MAD1L1: variants seen among roughly 807,000 people sequenced by gnomAD.
MAD1L1 encodes the protein mitotic spindle assembly checkpoint protein MAD1.
MAD1L1 carries 95 observed loss-of-function variants against 96.9 expected under a neutral mutation model. That is an observed-to-expected ratio of 0.98 (90% CI 0.83 to 1.16). The LOEUF (loss-of-function observed/expected upper bound fraction) is 1.16, where lower values mean the gene tolerates loss of function less well. MAD1L1 is among the 50% of genes most tolerant of loss of function. MAD1L1 has a pLI of 0.00. For missense variants in MAD1L1, 1,007 were observed against 954.4 expected (o/e 1.06, Z -0.73); for synonymous variants, 473 against 396.6 (o/e 1.19, Z -2.29).
intron 18 of MAD1L1, 125 bp downstream of exon 18, chr7:1,898,075 C>G: frequency 3.8e-6 from 4 of 1,041,866 alleles, no homozygotes; most frequent in Non-Finnish European, 5.7e-6. Context: ...CTCCTTCCCG[C>G]CCAGCCCTCC....
chr7:2,132,069 T>C (rs4721429), intron 11 of MAD1L1, among the ~76,000 whole-genome samples: 46,245 of 152,188 alleles, frequency 0.3, 7,897 homozygotes, highest in East Asian at 0.51. Context: ...AGGAGGAAGC[T>C]GGCCCCAACT....
chr7:1,825,346 C>T (rs1351775263), intron 18 of MAD1L1, among the ~76,000 whole-genome samples: 2 of 152,216 alleles, frequency 1.3e-5, no homozygotes, highest in Non-Finnish European at 2.9e-5. Context: ...CCCCAGATGT[C>T]CTGGGCCTGG....
chr7:2,210,097 G>T (rs996938432), intron 10 of MAD1L1: 1 of 152,208 alleles, frequency 6.6e-6, no homozygotes, highest in African/African-American at 2.4e-5. Context: ...TTTGGTTTTT[G>T]TTTTTGTTTT....
intron 10 of MAD1L1, among the ~76,000 whole-genome samples, chr7:2,166,479 TA>T (rs11298868): frequency 0.23 from 34,477 of 151,944 alleles, 4,132 homozygotes; most frequent in Middle Eastern, 0.35. Flanking sequence ...CTGTTCAAGC[TA>T]AAAAAAAGCC....
chr7:2,123,726 G>A (rs1358198676), intron 11 of MAD1L1, among the ~76,000 whole-genome samples: 2 of 152,208 alleles, frequency 1.3e-5, no homozygotes, highest in Non-Finnish European at 2.9e-5. Context: ...AGGCGGCGCT[G>A]AATCGATAGA....
chr7:2,105,096 GTCTGCCGGGAAGAAACTGGCTGTGCC>G (rs1215000202), intron 11 of MAD1L1, among the ~76,000 whole-genome samples: 1 of 152,190 alleles, frequency 6.6e-6, no homozygotes, highest in East Asian at 1.9e-4. Flanking sequence ...CTGAAAAGAG[GTCTGCCGGGAAGAAACTGGCTGTGCC>G]TCTGCAGCCC....
At chr7:2,053,896 C>A (rs1457075552) in intron 12 of MAD1L1, among the ~76,000 whole-genome samples, 3 of 152,254 alleles carry the variant, frequency 2.0e-5, no homozygotes, top group African/African-American at 7.2e-5. Context: ...ACCCTCAACA[C>A]GGAGACCCGA....
chr7:2,224,113 A>T (rs1793754571), intron 4 of MAD1L1, among the ~76,000 whole-genome samples: 1 of 152,130 alleles, frequency 6.6e-6, no homozygotes. Context: ...AAGCTGTGCC[A>T]CACAATGGAG....
chr7:2,029,602 T>C (rs1443768410), intron 12 of MAD1L1, among the ~76,000 whole-genome samples: 2 of 152,120 alleles, frequency 1.3e-5, no homozygotes, highest in African/African-American at 4.8e-5. Flanking sequence ...AACTCCATAA[T>C]TTGAAGAGCT....
chr7:1,880,283 G>A (rs1785610962), intron 18 of MAD1L1, among the ~76,000 whole-genome samples: 1 of 152,158 alleles, frequency 6.6e-6, no homozygotes, highest in South Asian at 2.1e-4. Context: ...GGTGACCCAG[G>A]CTGGGCAGAT....
chr7:1,981,871 T>A (rs1254335557), intron 14 of MAD1L1, among the ~76,000 whole-genome samples: 2 of 152,186 alleles, frequency 1.3e-5, no homozygotes, highest in African/African-American at 4.8e-5. Flanking sequence ...ATGTTACATG[T>A]ACTGAAACAT....
At chr7:2,033,972 T>G (rs1180393546) in intron 12 of MAD1L1, among the ~76,000 whole-genome samples, 1 of 152,102 alleles carries the variant, frequency 6.6e-6, no homozygotes, top group Non-Finnish European at 1.5e-5. Context: ...GGCATGCACC[T>G]ATAGTCCCAG....
chr7:2,198,650 C>T (rs1792119996), intron 10 of MAD1L1, among the ~76,000 whole-genome samples: 1 of 152,258 alleles, frequency 6.6e-6, no homozygotes. Context: ...AGGCTGCAGG[C>T]CAACAGGCGT....
intron 11 of MAD1L1, among the ~76,000 whole-genome samples, chr7:2,123,072 G>C (rs941587869): frequency 1.3e-5 from 2 of 151,926 alleles, no homozygotes; most frequent in African/African-American, 4.8e-5. Context: ...GGGAGGCCAA[G>C]GCAGGTGGAT....
At chr7:2,005,712 G>A (rs1212557481) in intron 13 of MAD1L1, among the ~76,000 whole-genome samples, 2 of 152,026 alleles carry the variant, frequency 1.3e-5, no homozygotes, top group African/African-American at 4.8e-5. Flanking sequence ...GAGGCAGGAG[G>A]ATCTCTTGAG....
chr7:1,986,418 G>C (rs561261501), intron 14 of MAD1L1, among the ~76,000 whole-genome samples: 1 of 152,178 alleles, frequency 6.6e-6, no homozygotes, highest in East Asian at 1.9e-4. Flanking sequence ...GCCGGCCCCC[G>C]CACTGCGGAG....
chr7:1,902,753 A>C (rs1476936644), intron 17 of MAD1L1, among the ~76,000 whole-genome samples: 10 of 152,314 alleles, frequency 6.6e-5, no homozygotes, highest in African/African-American at 2.4e-4. Flanking sequence ...CCGTTCCAGA[A>C]AGCAAGGACG....
chr7:1,900,081 G>A (rs1471350497), intron 17 of MAD1L1, among the ~76,000 whole-genome samples: 1 of 152,196 alleles, frequency 6.6e-6, no homozygotes, highest in African/African-American at 2.4e-5. Context: ...GAGAGCGCAG[G>A]GCCGCTGGGC....
intron 11 of MAD1L1, among the ~76,000 whole-genome samples, chr7:2,091,011 T>A (rs983998671): frequency 3.3e-5 from 5 of 152,212 alleles, no homozygotes; most frequent in African/African-American, 9.7e-5. Flanking sequence ...TCAGCCTGAT[T>A]CACCCGCGTT....
Sources: gnomAD v4.1 joint callset for allele counts (sites outside exome capture counted in the v4.1 genomes callset) on GRCh38, gnomAD v4.1.1 for gene constraint, MANE v1.5 for transcripts, NCBI Gene and HGNC (gene_info 2026-07-23, HGNC 2026-07-21) for gene names.